CPXM2: variants seen among roughly 807,000 people sequenced by gnomAD.
CPXM2 encodes inactive carboxypeptidase-like protein X2.
Under a neutral mutation model 86.1 loss-of-function variants are expected in CPXM2, and 66 were observed. The observed-to-expected ratio is 0.77, with a 90% CI of 0.63 to 0.94. The LOEUF (loss-of-function observed/expected upper bound fraction) is 0.94, where lower values mean the gene tolerates loss of function less well. Ranked by LOEUF, CPXM2 falls within the 40% of genes least tolerant of loss-of-function variation. The pLI is 0.00. For missense variants in CPXM2, 948 were observed against 1,026.3 expected, an observed-to-expected ratio of 0.92 and a Z score of 1.04; for synonymous variants, 388 against 400.2, an observed-to-expected ratio of 0.97 and a Z score of 0.36.
rs369214885 is a variant in CPXM2 at position 123,880,635 on chromosome 10, C to T, written c.305-326G>A. ...ACAAGGTCAGGAGATCAAGACCATC[C>T]TGGCTAACACGGTGAAACCCTGTCT... On this transcript the variant is annotated intron_variant, in intron 1 of 13. Transcript: ENST00000241305. Among the ~76,000 whole-genome samples the T allele has an allele frequency of 2.0e-5, 3 of 152,030 alleles. No individual in the cohort carries two copies. The East Asian group carries it at 5.8e-4, about 29-fold the overall frequency.
At chr10:123,756,824 G>A (rs1564751323) in intron 12 of CPXM2, among the ~76,000 whole-genome samples, 1 of 152,222 alleles carries the variant, frequency 6.6e-6, no homozygotes, top group Non-Finnish European at 1.5e-5. Flanking sequence ...CCCTGTGGAT[G>A]GCTTGGTTTC....
At chr10:123,820,536 T>C (rs1847903395) in intron 4 of CPXM2, among the ~76,000 whole-genome samples, 1 of 152,212 alleles carries the variant, frequency 6.6e-6, no homozygotes, top group South Asian at 2.1e-4. Flanking sequence ...TCCCTATGAC[T>C]GCTGTAACAA....
intron 4 of CPXM2, among the ~76,000 whole-genome samples, chr10:123,808,895 T>C (rs1447237314): frequency 6.6e-6 from 1 of 152,196 alleles, no homozygotes; most frequent in Non-Finnish European, 1.5e-5. Flanking sequence ...ACTTCACAAA[T>C]ACTGTAATCC....
intron 3 of CPXM2, among the ~76,000 whole-genome samples, chr10:123,854,385 A>AATATATATAATATATATATT (rs1848669566): frequency 1.9e-4 from 16 of 86,482 alleles, no homozygotes; most frequent in African/African-American, 6.3e-4. Context: ...ATATATATAT[A>AATATATATAATATATATATT]ATATATATAT....
intron 4 of CPXM2, among the ~76,000 whole-genome samples, chr10:123,805,420 C>T (rs1007345101): frequency 6.6e-6 from 1 of 151,978 alleles, no homozygotes. Context: ...CCATTTAGTT[C>T]AAAATATTAA....
At chr10:123,895,069 C>T (rs7077911), upstream of CPXM2, among the ~76,000 whole-genome samples, 27,156 of 151,312 alleles carry the variant, frequency 0.18, 2,708 homozygotes, top group Middle Eastern at 0.31. Context: ...GCTCTTTCCA[C>T]TTGCCACTGG....
At chr10:123,886,533 C>CA (rs897849561) in intron 1 of CPXM2, among the ~76,000 whole-genome samples, 3 of 152,182 alleles carry the variant, frequency 2.0e-5, no homozygotes, top group African/African-American at 7.2e-5. Flanking sequence ...CACAGACACA[C>CA]AAACAAACGT....
chr10:123,834,146 G>A (rs780080457), intron 4 of CPXM2, among the ~76,000 whole-genome samples: 11 of 152,208 alleles, frequency 7.2e-5, no homozygotes, highest in Non-Finnish European at 1.3e-4. Context: ...TGACACCGGT[G>A]AGGACCTGGT....
upstream of CPXM2, among the ~76,000 whole-genome samples, chr10:123,942,858 C>T (rs571097313): frequency 2.3e-4 from 35 of 152,320 alleles, no homozygotes; most frequent in South Asian, 4.1e-4. Flanking sequence ...GAACCCCTGA[C>T]GGACCACATA....
chr10:123,784,089 T>C (rs941375493), intron 6 of CPXM2, among the ~76,000 whole-genome samples: 2 of 152,184 alleles, frequency 1.3e-5, no homozygotes, highest in Non-Finnish European at 2.9e-5. Flanking sequence ...GAGTGTGACC[T>C]TGCTTGGAGA....
Position 123,767,106 on chromosome 10 carries a change from C to A in CPXM2, c.1346G>T (p.Gly449Val). The A allele has an allele frequency of 6.2e-7, 1 of 1,614,160 alleles. No homozygotes were observed. Among genetic ancestry groups the A allele is most frequent in the Non-Finnish European group, 8.5e-7 (1 of 1,180,048 alleles). Residue 449 changes from glycine to valine, a missense_variant, in exon 10 of 14, where the codon GGA becomes GTA. Coordinates refer to ENST00000241305, the MANE Select transcript of CPXM2 (RefSeq NM_198148.3). ...AGGAAAGTTGTTGTTGATGTCAATT[C>A]CATCGTGGGTCCAGCGTCCCAGGGA... ...GWSLGRWTHD[G>V]IDINNNFPDL...
rs553615900 is a variant in CPXM2, at chr10:123,903,290, A to C, written n.175-22981T>G. On this transcript the variant is annotated intron_variant and non_coding_transcript_variant, in intron 2 of 19. Transcript: ENST00000368854. ...CCAGGGCTGTTGGCATCCCTCTTGC[A>C]TGCAGAAGGTGCTCAGTAAATGCTG... Among the ~76,000 whole-genome samples the C allele has an allele frequency of 6.6e-4, 100 of 152,336 alleles. 1 individual carries two copies. The highest frequency in any genetic ancestry group is 2.3e-3 in the African/African-American group (94 of 41,578).
intron 2 of CPXM2, among the ~76,000 whole-genome samples, chr10:123,936,483 C>G (rs1945721766): frequency 6.6e-6 from 1 of 152,152 alleles, no homozygotes; most frequent in Non-Finnish European, 1.5e-5. Flanking sequence ...AACAGCCACA[C>G]AGAAGAGATA....
At chr10:123,773,109 C>T (rs564875927) in intron 7 of CPXM2, among the ~76,000 whole-genome samples, 16 of 151,130 alleles carry the variant, frequency 1.1e-4, no homozygotes, top group East Asian at 2.0e-4. Flanking sequence ...TGGTTCTTAT[C>T]GCTGTTATTG....
intron 7 of CPXM2, among the ~76,000 whole-genome samples, chr10:123,771,899 T>A (rs1846642945): frequency 6.6e-6 from 1 of 152,208 alleles, no homozygotes; most frequent in Admixed American, 6.5e-5. Context: ...GCCATTATTA[T>A]AAGTTTCCTG....
intron 2 of CPXM2, among the ~76,000 whole-genome samples, chr10:123,923,317 A>C (rs1233073601): frequency 1.3e-5 from 2 of 152,070 alleles, no homozygotes; most frequent in Admixed American, 6.6e-5. Flanking sequence ...GCGGTGGCTC[A>C]CGCCTGTAAT....
chr10:123,942,834 T>C (rs1945789692), upstream of CPXM2, among the ~76,000 whole-genome samples: 1 of 152,226 alleles, frequency 6.6e-6, no homozygotes, highest in Non-Finnish European at 1.5e-5. Flanking sequence ...AACCCTCTCT[T>C]GGGGTCTGGA....
At chr10:123,757,395 A>T in intron 11 of CPXM2, 43 bp from the exon 12 acceptor site, 1 of 1,575,356 alleles carries the variant, frequency 6.3e-7, no homozygotes, top group Non-Finnish European at 8.7e-7. Context: ...ACAATACTCA[A>T]AATGGCACTG....
At chr10:123,801,213 C>T (rs111741955) in intron 4 of CPXM2, among the ~76,000 whole-genome samples, 124 of 152,312 alleles carry the variant, frequency 8.1e-4, no homozygotes, top group African/African-American at 2.9e-3. Context: ...CCATCTCATT[C>T]TCATGATAGT....
Sources: gnomAD v4.1 joint callset for allele counts (sites outside exome capture counted in the v4.1 genomes callset) on GRCh38, gnomAD v4.1.1 for gene constraint, MANE v1.5 for transcripts, NCBI Gene and HGNC (gene_info 2026-07-23, HGNC 2026-07-21) for gene names.